Variants in PACRG observed in about 807,000 individuals in gnomAD.
The protein encoded by PACRG is parkin coregulated gene protein.
PACRG carries 29 observed loss-of-function variants against 29.7 expected under a neutral mutation model. That is an observed-to-expected ratio of 0.98 (90% CI 0.73 to 1.33). The LOEUF is 1.33. PACRG is among the 40% of genes most tolerant of loss of function. The pLI, the probability that PACRG is intolerant of heterozygous loss-of-function variation, is 0.00. For missense variants in PACRG, 279 were observed against 316.2 expected, an observed-to-expected ratio of 0.88 and a Z score of 0.89; for synonymous variants, 116 against 118.7, an observed-to-expected ratio of 0.98 and a Z score of 0.15.
chr6:163,096,146 G>T (rs966879482), intron 4 of PACRG, among the ~76,000 whole-genome samples: 3 of 152,170 alleles, frequency 2.0e-5, no homozygotes, highest in African/African-American at 7.2e-5. Context: ...GAGATGCAGG[G>T]AATTGATGTT....
Position 163,089,422 on chromosome 6 carries a change from C to A in PACRG, c.613+14C>A. ...AGAATATGAATGGTGAGTGAGCCCA[C>A]GAGTCAAAATGTCTTTTAAGCCAAA... On this transcript the variant is annotated intron_variant, in intron 4 of 4. Coordinates refer to ENST00000366888, the MANE Select transcript of PACRG (RefSeq NM_001080379.2). 6.2e-7 allele frequency: 1 copy of A among 1,610,294 alleles called. No homozygotes were observed. The highest frequency in any genetic ancestry group is 8.5e-7 in the Non-Finnish European group (1 of 1,177,816).
At chr6:162,814,874 T>C (rs567956811) in intron 2 of PACRG, among the ~76,000 whole-genome samples, 2 of 152,274 alleles carry the variant, frequency 1.3e-5, no homozygotes, top group East Asian at 3.9e-4. Flanking sequence ...TGACAAAAGG[T>C]TAATTGGCTT....
At chr6:163,289,210 A>G (rs1046402551) in intron 4 of PACRG, among the ~76,000 whole-genome samples, 3 of 152,232 alleles carry the variant, frequency 2.0e-5, no homozygotes, top group Admixed American at 6.5e-5. Context: ...CCCATGTGTC[A>G]GGACTCGCTG....
At chr6:163,015,257 A>G (rs1423826782) in intron 2 of PACRG, among the ~76,000 whole-genome samples, 1 of 152,166 alleles carries the variant, frequency 6.6e-6, no homozygotes, top group Non-Finnish European at 1.5e-5. Flanking sequence ...ATAGCCTTGC[A>G]GTATAGTTTG....
intron 4 of PACRG, among the ~76,000 whole-genome samples, chr6:163,301,108 G>T (rs889325020): frequency 6.6e-6 from 1 of 151,660 alleles, no homozygotes; most frequent in Non-Finnish European, 1.5e-5. Flanking sequence ...GCTGCTTCCC[G>T]TGAGTTTAGT....
intron 1 of PACRG, 87 bp from the exon 2 acceptor site, chr6:162,814,060 A>T: frequency 7.3e-7 from 1 of 1,374,032 alleles, no homozygotes; most frequent in South Asian, 1.5e-5. Context: ...ATACAAACTG[A>T]AATCTTTAAA....
chr6:162,874,977 A>T (rs1207332647), intron 2 of PACRG, among the ~76,000 whole-genome samples: 1 of 152,016 alleles, frequency 6.6e-6, no homozygotes, highest in Non-Finnish European at 1.5e-5. Flanking sequence ...ACACATTTAC[A>T]CACATTCATA....
chr6:162,790,860 C>T (rs1584366811), intron 1 of PACRG, among the ~76,000 whole-genome samples: 1 of 152,124 alleles, frequency 6.6e-6, no homozygotes, highest in Non-Finnish European at 1.5e-5. Flanking sequence ...ACTTACTTGC[C>T]ACTTCTAAAA....
In PACRG at chr6:162,778,089, G is replaced by A. The variant is rs7748262; in HGVS notation, c.157-36058G>A. Among the ~76,000 whole-genome samples the A allele has an allele frequency of 4.2e-3, 646 of 152,224 alleles. 1 individual carries two copies. Among genetic ancestry groups the A allele is most frequent in the African/African-American group, 0.015 (611 of 41,510 alleles). ...ACAACTGCAGGTGAATAGTGTCATC[G>A]TTTGCCATATGAATGAAGGTTTTTC... On this transcript the variant is annotated intron_variant, in intron 1 of 4. Transcript: ENST00000366888.
At chr6:162,764,262 G>A (rs758699265) in intron 1 of PACRG, among the ~76,000 whole-genome samples, 14 of 152,026 alleles carry the variant, frequency 9.2e-5, no homozygotes, top group Non-Finnish European at 2.1e-4. Context: ...GTGACAGAGC[G>A]AGACTCCATC....
At chr6:163,186,691 G>A (rs1430653981) in intron 4 of PACRG, among the ~76,000 whole-genome samples, 1 of 152,162 alleles carries the variant, frequency 6.6e-6, no homozygotes, top group Non-Finnish European at 1.5e-5. Context: ...CGGACCAGGC[G>A]CTCCCTGGCC....
chr6:162,860,636 T>G (rs545841265), intron 2 of PACRG, among the ~76,000 whole-genome samples: 1 of 152,354 alleles, frequency 6.6e-6, no homozygotes, highest in East Asian at 1.9e-4. Flanking sequence ...TTTAATAAGT[T>G]GAGATTTAAT....
intron 2 of PACRG, among the ~76,000 whole-genome samples, chr6:162,923,860 AG>A (rs141386880): frequency 0.013 from 1,945 of 151,872 alleles, 16 homozygotes; most frequent in Non-Finnish European, 0.02. Flanking sequence ...TTTGGCTCTT[AG>A]GGGACTTTTT....
chr6:162,805,471 T>C (rs1293149124), intron 1 of PACRG, among the ~76,000 whole-genome samples: 1 of 152,158 alleles, frequency 6.6e-6, no homozygotes, highest in African/African-American at 2.4e-5. Context: ...CTGATCAGTG[T>C]GGTGGTTGCT....
At chr6:162,830,797 C>T (rs1303252179) in intron 2 of PACRG, among the ~76,000 whole-genome samples, 1 of 152,128 alleles carries the variant, frequency 6.6e-6, no homozygotes, top group East Asian at 1.9e-4. Context: ...TTGAAGGAGA[C>T]GAAGTTGGGG....
rs759240268 is a variant in PACRG, at chr6:163,220,810, G to C, written c.614-94017G>C. Among the ~76,000 whole-genome samples, 17 of 152,128 alleles carry C rather than the reference G, an allele frequency of 1.1e-4. 1 individual carries two copies. The highest frequency in any genetic ancestry group is 2.6e-4 in the Admixed American group (4 of 15,278). On this transcript the variant is annotated intron_variant, in intron 4 of 4. Coordinates refer to ENST00000366888, the MANE Select transcript of PACRG (RefSeq NM_001080379.2). ...CTAAACTGTATTGCATATTTACCAAGTACCAGGAACCATCCTAAGAGCTTA... is the reference window on the plus strand; with the variant it reads ...CTAAACTGTATTGCATATTTACCAACTACCAGGAACCATCCTAAGAGCTTA...
intron 1 of PACRG, among the ~76,000 whole-genome samples, chr6:162,771,632 T>G (rs1350304158): frequency 6.6e-6 from 1 of 152,090 alleles, no homozygotes; most frequent in East Asian, 1.9e-4. Context: ...ACCATCAATA[T>G]CAAAGTATAC....
chr6:162,879,414 G>C (rs1338890890), intron 2 of PACRG, among the ~76,000 whole-genome samples: 2 of 152,114 alleles, frequency 1.3e-5, no homozygotes, highest in Non-Finnish European at 2.9e-5. Context: ...GTGATTTTTG[G>C]CCCAGTTGGC....
intron 4 of PACRG, among the ~76,000 whole-genome samples, chr6:163,104,405 G>C (rs529290718): frequency 6.6e-6 from 1 of 152,164 alleles, no homozygotes; most frequent in South Asian, 2.1e-4. Context: ...CCATTTTTGT[G>C]TTGCTATAAC....
Sources: gnomAD v4.1 joint callset for allele counts (sites outside exome capture counted in the v4.1 genomes callset) on GRCh38, gnomAD v4.1.1 for gene constraint, MANE v1.5 for transcripts, NCBI Gene and HGNC (gene_info 2026-07-23, HGNC 2026-07-21) for gene names.